Variants in CLPTM1L observed in about 807,000 individuals in gnomAD.
The protein encoded by CLPTM1L is lipid scramblase CLPTM1L.
In CLPTM1L, 38 loss-of-function variants were observed where a neutral mutation model predicts 70.9. The ratio of observed to expected loss-of-function variants is 0.54; its 90% CI spans 0.41 to 0.70. The LOEUF is 0.70. Ranked by LOEUF, CLPTM1L falls within the 30% of genes least tolerant of loss-of-function variation. CLPTM1L has a pLI of 0.00. For missense variants in CLPTM1L, 652 were observed against 705.9 expected, an observed-to-expected ratio of 0.92 and a Z score of 0.87; for synonymous variants, 339 against 299.9, an observed-to-expected ratio of 1.13 and a Z score of -1.35.
chr5:1,325,760 G>A lies in CLPTM1L; in HGVS notation c.1137C>T (p.Pro379=), dbSNP rs554397457. 29 of 1,613,312 alleles carry A rather than the reference G, an allele frequency of 1.8e-5. No homozygotes were observed. The highest frequency in any genetic ancestry group is 1.8e-4 in the East Asian group (8 of 44,874). ...KMTIFWRGLM[P]EFQFGTYSES... ...TACAACTAAATCCTACCTGAAATTC[G>A]GGCATCAGGCCTCTCCAAAAAATAG... is the stretch of plus-strand genomic sequence containing the variant. The change falls in exon 10 of 17, where the codon CCC becomes CCT. Residue 379 remains proline (P), a synonymous_variant. Transcript: ENST00000320895.
intron 11 of CLPTM1L, 113 bp from the exon 12 acceptor site, chr5:1,323,982 G>A (rs918037748): frequency 1.1e-5 from 9 of 837,052 alleles, no homozygotes; most frequent in Admixed American, 2.0e-5. Context: ...CAGCGCTCAG[G>A]GTGGCAGGGC....
intron 7 of CLPTM1L, among the ~76,000 whole-genome samples, chr5:1,332,724 A>T (rs1390481881): frequency 6.6e-6 from 1 of 152,230 alleles, no homozygotes; most frequent in Non-Finnish European, 1.5e-5. Flanking sequence ...TAACTTTATC[A>T]CACTGTCCTG....
rs1751931712 is a variant in CLPTM1L, at chr5:1,318,048, C to T, written c.*321G>A. The T allele has an allele frequency of 5.7e-6, 2 of 352,278 alleles. No individual in the cohort carries two copies. The highest frequency in any genetic ancestry group is 4.8e-5 in the Admixed American group (1 of 20,892). The allele number at this position is 352,278 out of a possible 1,614,324, so 21.8% of individuals were successfully genotyped here. On this transcript the variant is annotated 3_prime_UTR_variant, in exon 17 of 17. Transcript: ENST00000320895. This position sits in a 1 kb window ranked among gnomAD's most constrained non-coding sequence, Gnocchi z 8.9. ...CCACCTGAAATGGAAATCCAACAGC[C>T]CCCTTGCCTGTGAGGGCTCCCACCC...
chr5:1,335,028 C>T, intron 6 of CLPTM1L, 29 bp downstream of exon 6: 1 of 1,586,070 alleles, frequency 6.3e-7, no homozygotes, highest in Non-Finnish European at 8.6e-7. Context: ...GGCGGCCTCA[C>T]CCAGGCGCCG....
chr5:1,340,033 C>A (rs1262580472), intron 3 of CLPTM1L, among the ~76,000 whole-genome samples: 2 of 152,238 alleles, frequency 1.3e-5, no homozygotes, highest in African/African-American at 4.8e-5. Context: ...GCAGAGAGGG[C>A]ACAGCGGCCC....
intron 9 of CLPTM1L, among the ~76,000 whole-genome samples, chr5:1,328,914 T>TCATCCAGCTCCTCCTCTACAGGGACATTC (rs1561237587): frequency 1.4e-5 from 2 of 144,474 alleles, no homozygotes; most frequent in Non-Finnish European, 3.0e-5. Context: ...CAGACACATT[T>TCATCCAGCTCCTCCTCTACAGGGACATTC]CATCCAGCTC....
intron 12 of CLPTM1L, 45 bp from the exon 13 acceptor site, chr5:1,322,956 A>C (rs779794153): frequency 2.6e-6 from 4 of 1,538,058 alleles, no homozygotes; most frequent in Non-Finnish European, 3.6e-6. Context: ...CGCATAGCTT[A>C]ATATCTGTAT....
Position 1,320,570 on chromosome 5 carries a change from C to T in CLPTM1L, c.1532+46G>A, listed in dbSNP as rs142470942. 1.3e-3 allele frequency: 1,451 copies of T among 1,075,746 alleles called. 13 individuals carry two copies. In the African/African-American group the frequency reaches 0.02, roughly 15 times the overall value. The allele number at this position is 1,075,746 out of a possible 1,614,324, so 66.6% of individuals were successfully genotyped here. A position where few individuals can be genotyped will look rare whatever the true frequency, so the allele number is the denominator to read the frequency against. On this transcript the variant is annotated intron_variant, in intron 16 of 16. Transcript: ENST00000320895. Reference sequence around the variant, plus strand: ...CCGTCATTCCGTTCAGCAGCAGCCACGCCGCTGAGACGGAGCAACGGCCGA... The same window carrying T: ...CCGTCATTCCGTTCAGCAGCAGCCATGCCGCTGAGACGGAGCAACGGCCGA...
chr5:1,334,379 A>T lies in CLPTM1L; in HGVS notation c.801T>A (p.Phe267Leu), dbSNP rs1158442203. Residue 267 changes from phenylalanine (F) to leucine (L), a missense_variant, in exon 7 of 17, where the codon TTT becomes TTA. Coordinates refer to ENST00000320895, the MANE Select transcript of CLPTM1L (RefSeq NM_030782.5). ...DAVYSLQQFG[F>L]SEKDADEVKG... Reference sequence around the variant, plus strand: ...TCACCTCATCAGCATCTTTCTCTGAAAACCCTGTCAAGGAAAAAAAAACAT... The same window carrying T: ...TCACCTCATCAGCATCTTTCTCTGATAACCCTGTCAAGGAAAAAAAAACAT... The T allele has an allele frequency of 4.5e-6, 7 of 1,564,488 alleles. No homozygotes were observed. The highest frequency in any genetic ancestry group is 6.1e-6 in the Non-Finnish European group (7 of 1,153,596).
chr5:1,338,890 A>G lies in CLPTM1L; in HGVS notation c.569T>C (p.Leu190Pro). The G allele has an allele frequency of 6.2e-7, 1 of 1,613,334 alleles. No individual in the cohort carries two copies. Among genetic ancestry groups the G allele is most frequent in the Non-Finnish European group, 8.5e-7 (1 of 1,180,044 alleles). Residue 190 changes from leucine to proline, a missense_variant, in exon 4 of 17, where the codon CTG (leucine) becomes CCG (proline). Around this residue, in one of 3 missense-constraint regions of CLPTM1L, gnomAD observed 402 missense variants for 388.2 expected, o/e 1.04. Transcript: ENST00000320895. Reference protein sequence around the residue: ...ADNFVFDGSSLPADVHRYMKM... With the variant: ...ADNFVFDGSSPPADVHRYMKM... ...CATGTACCGATGCACATCGGCAGGC[A>G]GGGAGGACCCGTCAAAGACAAAGTT...
At chr5:1,336,330 G>A (rs1174537542) in intron 5 of CLPTM1L, among the ~76,000 whole-genome samples, 1 of 152,220 alleles carries the variant, frequency 6.6e-6, no homozygotes, top group Non-Finnish European at 1.5e-5. Flanking sequence ...CGACACATGA[G>A]AGAGACTGTG....
intron 5 of CLPTM1L, among the ~76,000 whole-genome samples, chr5:1,336,122 G>A (rs1053856855): frequency 1.3e-5 from 2 of 152,350 alleles, no homozygotes; most frequent in Admixed American, 1.3e-4. Flanking sequence ...AGTGGCATCA[G>A]TGCACATGGA....
At chr5:1,337,306 T>C (rs1216630334) in intron 5 of CLPTM1L, among the ~76,000 whole-genome samples, 2 of 152,178 alleles carry the variant, frequency 1.3e-5, no homozygotes, top group South Asian at 2.1e-4. Flanking sequence ...TGGCCAAAGG[T>C]TGGCCACATT....
At chr5:1,340,731 T>C (rs1472018211) in intron 3 of CLPTM1L, among the ~76,000 whole-genome samples, 1 of 152,212 alleles carries the variant, frequency 6.6e-6, no homozygotes, top group Admixed American at 6.5e-5. Context: ...CCTCTCTTTC[T>C]CTCTGTCTGG....
At chr5:1,325,067 G>GTGGCTCAGT in intron 10 of CLPTM1L, 1 of 574,942 alleles carries the variant, frequency 1.7e-6, no homozygotes. Flanking sequence ...CCTTGCTCAG[G>GTGGCTCAGT]TGGCTCAGTT....
At position 1,321,745 on chromosome 5, in the gene CLPTM1L, G is replaced by C; in HGVS notation, c.1371+19C>G. 5 of 1,613,930 alleles carry C rather than the reference G, an allele frequency of 3.1e-6. No homozygotes were observed. Among genetic ancestry groups the C allele is most frequent in the Non-Finnish European group, 4.2e-6 (5 of 1,179,918 alleles). ...ACAGGAGACGGGGGCCGGGCCGCGG[G>C]CAGCACACACCGCCTTACCTTGTAG... On this transcript the variant is annotated intron_variant, in intron 14 of 16. Transcript: ENST00000320895.
At chr5:1,323,683 C>T in intron 12 of CLPTM1L, 104 bp downstream of exon 12, 1 of 917,646 alleles carries the variant, frequency 1.1e-6, no homozygotes, top group Non-Finnish European at 1.7e-6. Flanking sequence ...CCCAAGTGCC[C>T]CGGCCCCGAG....
intron 8 of CLPTM1L, 56 bp from the exon 9 acceptor site, chr5:1,330,439 C>G: frequency 1.4e-6 from 2 of 1,437,056 alleles, no homozygotes; most frequent in South Asian, 1.1e-5. Context: ...CACCTGTGTT[C>G]CCCAAGTCAC....
rs1168562514 is a variant in CLPTM1L at position 1,321,839 on chromosome 5, A to G, written c.1316-20T>C. The G allele has an allele frequency of 3.1e-6, 5 of 1,610,448 alleles. No homozygotes were observed. In the Admixed American group the frequency reaches 8.4e-5, roughly 27 times the overall value. On this transcript the variant is annotated intron_variant, in intron 13 of 16. Transcript: ENST00000320895. ...AGACCCCTGCAGAAAGACAGACAGC[A>G]CTCACGAGGTGCGGAGGGCCGGGCT...
Sources: gnomAD v4.1 joint callset for allele counts (sites outside exome capture counted in the v4.1 genomes callset) on GRCh38, gnomAD v4.1.1 for gene constraint, gnomAD v4.1.1 regional missense constraint, Gnocchi (gnomAD v3.1) non-coding constraint, MANE v1.5 for transcripts, NCBI Gene and HGNC (gene_info 2026-07-23, HGNC 2026-07-21) for gene names.